The following OR6N2 variants were observed in gnomAD, a reference collection of about 807,000 sequenced individuals.
OR6N2 encodes the protein olfactory receptor family 6 subfamily N member 2.
For synonymous variants in OR6N2, 160 were observed against 138.3 expected, an observed-to-expected ratio of 1.16 and a Z score of -1.10; for missense variants, 399 against 379.7, an observed-to-expected ratio of 1.05 and a Z score of -0.42.
At chr1:158,781,109 T>G (rs546813697) in intron 1 of OR6N2, 61 bp downstream of exon 1, 1 of 152,240 alleles carries the variant, frequency 6.6e-6, no homozygotes, top group Non-Finnish European at 1.5e-5. Context: ...AATCCCTTAT[T>G]ATCAGTCCCA....
intron 1 of OR6N2, among the ~76,000 whole-genome samples, chr1:158,779,210 G>A (rs369512757): frequency 6.6e-6 from 1 of 151,976 alleles, no homozygotes; most frequent in African/African-American, 2.4e-5. Context: ...GATGCAAAAA[G>A]AAAACAATAA....
rs1228692925 is a variant in OR6N2 at position 158,776,800 on chromosome 1, G to A, written c.836C>T (p.Ser279Phe). 6.2e-7 allele frequency: 1 copy of A among 1,613,890 alleles called. No individual in the cohort carries two copies. Among genetic ancestry groups the A allele is most frequent in the Non-Finnish European group, 8.5e-7 (1 of 1,179,906 alleles). The stretch of plus-strand genomic sequence containing the variant: ...TGGATTGACCATTGGTGTTAGTACG[G>A]AGTAAACTATAGCAAGTGTTCGGTC... The part of the protein sequence containing the change: ...TLDRTLAIVY[S>F]VLTPMVNPII... Residue 279 changes from serine to phenylalanine, a missense_variant, in exon 2 of 2, where the codon TCC (serine) becomes TTC (phenylalanine). Physicochemically the swap from Ser to Phe is radical, Grantham distance 155. Coordinates refer to ENST00000641131, the MANE Select transcript of OR6N2 (RefSeq NM_001005278.2).
intron 1 of OR6N2, among the ~76,000 whole-genome samples, chr1:158,777,967 C>T (rs1287427868): frequency 1.3e-5 from 2 of 152,120 alleles, no homozygotes; most frequent in African/African-American, 4.8e-5. Flanking sequence ...TTTGTATTTC[C>T]TATAGATACT....
At chr1:158,779,326 G>T (rs544791394) in intron 1 of OR6N2, among the ~76,000 whole-genome samples, 19 of 152,190 alleles carry the variant, frequency 1.2e-4, no homozygotes, top group Admixed American at 1.1e-3. Context: ...CCCAATTCTA[G>T]TTATCATACT....
rs147994362 is a variant in OR6N2 at position 158,776,204 on chromosome 1, TG to T, written c.*477del. On this transcript the variant is annotated 3_prime_UTR_variant, in exon 2 of 2. Transcript: ENST00000641131. Reference sequence around the variant, plus strand: ...AATTGAGGCATAAAAACTGGTCATGTGTGTCAAGAGTTCAGGAGAGAGGAAG... The same window carrying T: ...AATTGAGGCATAAAAACTGGTCATGTTGTCAAGAGTTCAGGAGAGAGGAAG... 3,852 of 152,504 alleles carry T rather than the reference TG, an allele frequency of 0.025. 80 individuals are homozygous for T. Among genetic ancestry groups the T allele is most frequent in the Non-Finnish European group, 0.042 (2,860 of 68,222 alleles). The allele number at this position is 152,504 out of a possible 1,614,324, so 9.4% of individuals were successfully genotyped here.
In OR6N2 at chr1:158,774,632, T is replaced by C. The variant is rs1165869544; in HGVS notation, c.*2050A>G. 1 of 152,192 alleles carries C rather than the reference T, an allele frequency of 6.6e-6. No homozygotes were observed. The highest frequency in any genetic ancestry group is 1.5e-5 in the Non-Finnish European group (1 of 68,046). 9.4% of individuals were successfully genotyped at this position (152,192 alleles called of 1,614,324 possible). On this transcript the variant is annotated 3_prime_UTR_variant, in exon 2 of 2. Transcript: ENST00000641131. Reference sequence around the variant, plus strand: ...CATTTTCCCAAATGACATGAAAATTTATGTTTACGCATAACCATATCATGT... The same window carrying C: ...CATTTTCCCAAATGACATGAAAATTCATGTTTACGCATAACCATATCATGT...
In OR6N2 at chr1:158,776,777, G is replaced by T. The variant is rs1657605112; in HGVS notation, c.859C>A (p.Pro287Thr). The change falls in exon 2 of 2, where the codon CCA becomes ACA. Residue 287 changes from proline (P) to threonine (T), a missense_variant. Transcript: ENST00000641131. ...VYSVLTPMVN[P>T]IIYSLRNKEI... is the part of the protein sequence containing the mutation. The stretch of plus-strand genomic sequence containing the variant: ...TTGTTACGAAGACTGTAGATAATTG[G>T]ATTGACCATTGGTGTTAGTACGGAG... 3 of 1,613,882 alleles carry T rather than the reference G, an allele frequency of 1.9e-6. No individual in the cohort carries two copies. The East Asian group carries it at 6.7e-5, about 36-fold the overall frequency.
At chr1:158,780,636 A>C (rs932052157) in intron 1 of OR6N2, among the ~76,000 whole-genome samples, 1 of 152,212 alleles carries the variant, frequency 6.6e-6, no homozygotes, top group African/African-American at 2.4e-5. Flanking sequence ...TCTAACACAA[A>C]GCCTATTTTA....
Position 158,777,535 on chromosome 1 carries a change from G to T in OR6N2, c.101C>A (p.Ala34Glu). The part of the protein sequence containing the change: ...RGWLFVLLLL[A>E]YLFTICGNML... ...GTTACCACAGATGGTGAACAGGTAT[G>T]CCAATAGCAGCAGGACAAAAAGCCA... The change falls in exon 2 of 2, where the codon GCA (alanine) becomes GAA (glutamate). Residue 34 changes from alanine (A) to glutamate (E), a missense_variant. Physicochemically the swap from Ala to Glu is moderately radical, Grantham distance 107 (BLOSUM62 -1). Coordinates refer to ENST00000641131, the MANE Select transcript of OR6N2 (RefSeq NM_001005278.2). 1 of 1,614,090 alleles carries T rather than the reference G, an allele frequency of 6.2e-7. No homozygotes were observed. Among genetic ancestry groups the T allele is most frequent in the Non-Finnish European group, 8.5e-7 (1 of 1,179,992 alleles).
In OR6N2 at chr1:158,774,550, T is replaced by A. The variant is rs1161150068; in HGVS notation, c.*2132A>T. The A allele has an allele frequency of 6.6e-6, 1 of 152,172 alleles. No individual in the cohort carries two copies. The highest frequency in any genetic ancestry group is 1.5e-5 in the Non-Finnish European group (1 of 68,044). 9.4% of individuals were successfully genotyped at this position (152,172 alleles called of 1,614,324 possible). On this transcript the variant is annotated 3_prime_UTR_variant, in exon 2 of 2. Coordinates refer to ENST00000641131, the MANE Select transcript of OR6N2 (RefSeq NM_001005278.2). ...AAAGCACTAGTCTTTGGAAAACAGT[T>A]AGACAGCTAATTATAAACATACATT...
chr1:158,777,670 T>C (rs2102015410), intron 1 of OR6N2, 29 bp from the exon 2 acceptor site: 3 of 1,410,178 alleles, frequency 2.1e-6, no homozygotes, highest in Middle Eastern at 1.9e-4. Context: ...GAAGAAAACA[T>C]TGGATTGAGA....
chr1:158,777,384 A>G lies in OR6N2; in HGVS notation c.252T>C (p.Asn84=). ...TATTIPKMLS[N]ILSEKKTISF... is the part of the protein sequence containing the mutation. ...AAATGGTTTTCTTCTCACTGAGAAT[A>G]TTAGACAACATCTTAGGGATAGTGG... The change falls in exon 2 of 2, where the codon AAT becomes AAC. Residue 84 remains asparagine (N), a synonymous_variant. Coordinates refer to ENST00000641131, the MANE Select transcript of OR6N2 (RefSeq NM_001005278.2). 1 of 1,614,196 alleles carries G rather than the reference A, an allele frequency of 6.2e-7. No homozygotes were observed. Among genetic ancestry groups the G allele is most frequent in the Middle Eastern group, 1.7e-4 (1 of 6,060 alleles).
intron 1 of OR6N2, among the ~76,000 whole-genome samples, chr1:158,780,503 A>G (rs1657726081): frequency 6.6e-6 from 1 of 152,228 alleles, no homozygotes; most frequent in Admixed American, 6.5e-5. Flanking sequence ...TTACAGCCCA[A>G]TAAACCTATC....
chr1:158,775,680 T>A lies in OR6N2; in HGVS notation c.*1002A>T, dbSNP rs1345687624. The A allele has an allele frequency of 6.6e-6, 1 of 152,124 alleles. No individual in the cohort carries two copies. The highest frequency in any genetic ancestry group is 1.5e-5 in the Non-Finnish European group (1 of 68,012). The allele number at this position is 152,124 out of a possible 1,614,324, so 9.4% of individuals were successfully genotyped here. A position where few individuals can be genotyped will look rare whatever the true frequency, so the allele number is the denominator to read the frequency against. ...AATCCAATTGAGAGATGTTGGTAAT[T>A]TACACCAGGGTAGAAACACTAAAGA... On this transcript the variant is annotated 3_prime_UTR_variant, in exon 2 of 2. Coordinates refer to ENST00000641131, the MANE Select transcript of OR6N2 (RefSeq NM_001005278.2).
chr1:158,779,377 C>T (rs1012867500), intron 1 of OR6N2, among the ~76,000 whole-genome samples: 1 of 152,150 alleles, frequency 6.6e-6, no homozygotes, highest in Non-Finnish European at 1.5e-5. Context: ...TCCTGACACT[C>T]GTCACAATGG....
rs913885792 is a variant in OR6N2, at chr1:158,775,880, A to T, written c.*802T>A. The T allele has an allele frequency of 3.9e-5, 6 of 152,218 alleles. No homozygotes were observed. Among genetic ancestry groups the T allele is most frequent in the African/African-American group, 1.2e-4 (5 of 41,460 alleles). 9.4% of individuals were successfully genotyped at this position (152,218 alleles called of 1,614,324 possible). On this transcript the variant is annotated 3_prime_UTR_variant, in exon 2 of 2. Coordinates refer to ENST00000641131, the MANE Select transcript of OR6N2 (RefSeq NM_001005278.2). ...AGCTTTCATGGTTAGAAATTTTAAG[A>T]AATCAATTTTGACATGTTAAGTTTT... is the stretch of plus-strand genomic sequence containing the variant.
rs763094467 is a variant in OR6N2, at chr1:158,777,234, T to C, written c.402A>G (p.Ile134Met). Residue 134 changes from isoleucine to methionine, a missense_variant, in exon 2 of 2, where the codon ATA becomes ATG. By Grantham distance (10) the Ile-to-Met change is conservative. Transcript: ENST00000641131. ...LAICRPLHYP[I>M]IMTTTLCAKM... ...TGGCACAGAGTGTGGTGGTCATAATTATAGGGTAGTGGAGGGGCCGACAAA... is the reference window on the plus strand; with the variant it reads ...TGGCACAGAGTGTGGTGGTCATAATCATAGGGTAGTGGAGGGGCCGACAAA... The C allele has an allele frequency of 1.2e-6, 2 of 1,613,912 alleles. No individual in the cohort carries two copies. Among genetic ancestry groups the C allele is most frequent in the Non-Finnish European group, 8.5e-7 (1 of 1,179,986 alleles).
rs141515020 is a variant in OR6N2, at chr1:158,777,579, A to G, written c.57T>C (p.Ser19=). 2.6e-4 allele frequency: 419 copies of G among 1,614,072 alleles called. No individual in the cohort carries two copies. The African/African-American group carries it at 5.0e-3, about 19-fold the overall frequency. ...AAAGCCAGCCCCTGACATAGCCCACACTGGCAAAGCCAAGGAACACAAATT... is the reference window on the plus strand; with the variant it reads ...AAAGCCAGCCCCTGACATAGCCCACGCTGGCAAAGCCAAGGAACACAAATT... ...LAEFVFLGFA[S]VGYVRGWLFV... is the part of the protein sequence containing the mutation. Residue 19 remains serine (S), a synonymous_variant, in exon 2 of 2, where the codon AGT becomes AGC. Coordinates refer to ENST00000641131, the MANE Select transcript of OR6N2 (RefSeq NM_001005278.2).
Position 158,776,522 on chromosome 1 carries a change from A to G in OR6N2, c.*160T>C. On this transcript the variant is annotated 3_prime_UTR_variant, in exon 2 of 2. Coordinates refer to ENST00000641131, the MANE Select transcript of OR6N2 (RefSeq NM_001005278.2). The stretch of plus-strand genomic sequence containing the variant: ...ATGCTGACATAAGTGATCGAGTAAA[A>G]AATAGAAATAAAGATGTAGAAAATG... 2.0e-6 allele frequency: 1 copy of G among 494,220 alleles called. No homozygotes were observed. The allele number at this position is 494,220 out of a possible 1,614,324, so 30.6% of individuals were successfully genotyped here. A position where few individuals can be genotyped will look rare whatever the true frequency, so the allele number is the denominator to read the frequency against.
Sources: allele counts gnomAD v4.1 joint callset (sites outside exome capture counted in the v4.1 genomes callset), GRCh38; gene constraint gnomAD v4.1.1; transcripts MANE v1.5; gene names NCBI Gene and HGNC (gene_info 2026-07-23, HGNC 2026-07-21).